PPP6R3: variants seen among roughly 807,000 people sequenced by gnomAD.
PPP6R3 encodes the protein serine/threonine-protein phosphatase 6 regulatory subunit 3.
A neutral mutation model predicts 110.7 loss-of-function variants in PPP6R3; 38 were observed. The observed-to-expected ratio is 0.34, with a 90% CI of 0.26 to 0.45. The LOEUF (loss-of-function observed/expected upper bound fraction) is 0.45. Among genes scored for constraint, PPP6R3 ranks in the 20% least tolerant of loss-of-function variants. PPP6R3 has a pLI of 1.00. For missense variants in PPP6R3, 870 were observed against 1,062.4 expected, an observed-to-expected ratio of 0.82 and a Z score of 2.52; for synonymous variants, 369 against 373.5, an observed-to-expected ratio of 0.99 and a Z score of 0.14.
chr11:68,532,903 ACT>A (rs1233355743), intron 2 of PPP6R3, among the ~76,000 whole-genome samples: 3 of 152,140 alleles, frequency 2.0e-5, no homozygotes, highest in Admixed American at 2.0e-4. Context: ...TGTGTAAGTC[ACT>A]CTATGATGTT....
chr11:68,596,447 G>T (rs2153901614), intron 19 of PPP6R3, among the ~76,000 whole-genome samples: 1 of 152,334 alleles, frequency 6.6e-6, no homozygotes, highest in Admixed American at 6.5e-5. Flanking sequence ...GGTAGGAAAT[G>T]AACGTCAGCT....
chr11:68,504,246 C>G (rs554376215), intron 1 of PPP6R3, among the ~76,000 whole-genome samples: 1 of 143,794 alleles, frequency 7.0e-6, no homozygotes, highest in East Asian at 1.9e-4. Context: ...TGCTCTAAGT[C>G]AGGTTCTTTG....
chr11:68,510,192 C>CCCTA (rs1335642140), intron 1 of PPP6R3, among the ~76,000 whole-genome samples: 2 of 151,338 alleles, frequency 1.3e-5, no homozygotes, highest in African/African-American at 2.4e-5. Context: ...AGGCATGAGC[C>CCCTA]CCTACTACAC....
intron 12 of PPP6R3, among the ~76,000 whole-genome samples, chr11:68,571,456 T>A (rs2099506483): frequency 6.6e-6 from 1 of 152,222 alleles, no homozygotes; most frequent in South Asian, 2.1e-4. Context: ...GGTCACCTTA[T>A]GCTCAGAACA....
chr11:68,488,227 C>T (rs1437516263), intron 1 of PPP6R3, among the ~76,000 whole-genome samples: 2 of 152,082 alleles, frequency 1.3e-5, no homozygotes, highest in East Asian at 3.9e-4. Context: ...TTTTCCATCC[C>T]TTTCTTTTTT....
intron 1 of PPP6R3, among the ~76,000 whole-genome samples, chr11:68,461,430 C>G (rs1024480419): frequency 6.8e-6 from 1 of 147,554 alleles, no homozygotes; most frequent in African/African-American, 2.5e-5. Context: ...GGCTTTTTAA[C>G]TCCTGTGAGG....
chr11:68,577,594 G>A (rs1162824620), intron 14 of PPP6R3, among the ~76,000 whole-genome samples: 1 of 152,188 alleles, frequency 6.6e-6, no homozygotes, highest in African/African-American at 2.4e-5. Context: ...TTTGTGAGCA[G>A]TTCTGTAATA....
intron 2 of PPP6R3, among the ~76,000 whole-genome samples, chr11:68,523,452 G>A (rs1346407486): frequency 6.6e-6 from 1 of 152,180 alleles, no homozygotes; most frequent in Non-Finnish European, 1.5e-5. Flanking sequence ...GACCTTCCAT[G>A]TCTGAAAACG....
At chr11:68,563,471 A>G (rs1415812210) in intron 8 of PPP6R3, among the ~76,000 whole-genome samples, 1 of 152,128 alleles carries the variant, frequency 6.6e-6, no homozygotes, top group Non-Finnish European at 1.5e-5. Flanking sequence ...TTTCATCTCA[A>G]GATCTTTAAT....
Position 68,606,673 on chromosome 11 carries a change from C to A in PPP6R3, c.2450+3181C>A, listed in dbSNP as rs566035659. 4.6e-5 allele frequency among the ~76,000 whole-genome samples: 7 copies of A among 152,262 alleles called. No individual in the cohort carries two copies. The East Asian group carries it at 1.4e-3, about 29-fold the overall frequency. Reference sequence around the variant, plus strand: ...CCAATACCAAAATGCTACAGCAAAACTAACACCTAATGAGGAAAGTTTAGA... The same window carrying A: ...CCAATACCAAAATGCTACAGCAAAAATAACACCTAATGAGGAAAGTTTAGA... On this transcript the variant is annotated intron_variant, in intron 22 of 23. Transcript: ENST00000393800.
At chr11:68,588,820 C>T (rs950140022) in intron 16 of PPP6R3, among the ~76,000 whole-genome samples, 1 of 151,462 alleles carries the variant, frequency 6.6e-6, no homozygotes, top group South Asian at 2.1e-4. Flanking sequence ...TGACCTCTTT[C>T]ACAGAAGCCT....
At chr11:68,583,531 C>A (rs542606252) in intron 15 of PPP6R3, among the ~76,000 whole-genome samples, 1 of 152,286 alleles carries the variant, frequency 6.6e-6, no homozygotes, top group Admixed American at 6.5e-5. Flanking sequence ...TAAACTCTCA[C>A]GAATACCCCT....
At chr11:68,559,748 C>T (rs991730069) in intron 8 of PPP6R3, among the ~76,000 whole-genome samples, 11 of 152,066 alleles carry the variant, frequency 7.2e-5, no homozygotes, top group African/African-American at 1.9e-4. Context: ...CTTCCTACCC[C>T]AGGGATACAG....
intron 5 of PPP6R3, among the ~76,000 whole-genome samples, chr11:68,550,626 T>C (rs756943867): frequency 3.3e-5 from 5 of 152,202 alleles, no homozygotes; most frequent in Admixed American, 6.5e-5. Context: ...AGCCCCCACG[T>C]TTCCTGCAGT....
intron 1 of PPP6R3, among the ~76,000 whole-genome samples, chr11:68,485,244 C>T (rs1157239505): frequency 2.2e-5 from 3 of 139,058 alleles, no homozygotes; most frequent in African/African-American, 8.0e-5. Flanking sequence ...AGCCTGTAAC[C>T]TTGGTATAAT....
rs552545284 is a variant in PPP6R3, at chr11:68,571,875, C to G, written c.1343+771C>G. Among the ~76,000 whole-genome samples the G allele has an allele frequency of 1.5e-3, 223 of 152,166 alleles. 1 individual carries two copies. Among genetic ancestry groups the G allele is most frequent in the Non-Finnish European group, 2.7e-3 (182 of 68,020 alleles). ...TGCCTGAAGTCACCATCACCACAAT[C>G]AAGACATTTCTGTCACCCCCAAAAT... On this transcript the variant is annotated intron_variant, in intron 12 of 23. Coordinates refer to ENST00000393800, the MANE Select transcript of PPP6R3 (RefSeq NM_001164161.2).
chr11:68,566,328 TTCC>T (rs374175545), intron 9 of PPP6R3, among the ~76,000 whole-genome samples: 537 of 151,572 alleles, frequency 3.5e-3, no homozygotes, highest in African/African-American at 5.5e-3. Flanking sequence ...CTCCTTCTCT[TTCC>T]TCCTCCTCCT....
intron 1 of PPP6R3, among the ~76,000 whole-genome samples, chr11:68,469,797 G>A (rs2098777050): frequency 6.6e-6 from 1 of 152,118 alleles, no homozygotes; most frequent in African/African-American, 2.4e-5. Context: ...AACCAGCTTA[G>A]GAAATAGAAG....
At chr11:68,476,755 G>C (rs2098835693) in intron 1 of PPP6R3, among the ~76,000 whole-genome samples, 1 of 151,956 alleles carries the variant, frequency 6.6e-6, no homozygotes, top group African/African-American at 2.4e-5. Context: ...TGGTGTGATG[G>C]CTCACACCTG....
Sources: gnomAD v4.1 joint callset for allele counts (sites outside exome capture counted in the v4.1 genomes callset) on GRCh38, gnomAD v4.1.1 for gene constraint, MANE v1.5 for transcripts, NCBI Gene and HGNC (gene_info 2026-07-23, HGNC 2026-07-21) for gene names.